Variants in OR51B5 observed in about 807,000 individuals in gnomAD.
OR51B5 encodes the protein olfactory receptor family 51 subfamily B member 5.
For synonymous variants in OR51B5, 186 were observed against 144.8 expected (o/e 1.28, Z -2.04); for missense variants, 456 against 374.6 (o/e 1.22, Z -1.79).
chr11:5,426,687 T>C (rs1037071877), intron 1 of OR51B5, among the ~76,000 whole-genome samples: 2 of 152,084 alleles, frequency 1.3e-5, no homozygotes, highest in African/African-American at 4.8e-5. Context: ...GTGCTTTAAA[T>C]TAAACAAAAC....
intron 1 of OR51B5, among the ~76,000 whole-genome samples, chr11:5,377,639 A>G (rs1298403200): frequency 1.3e-5 from 2 of 152,164 alleles, no homozygotes; most frequent in African/African-American, 2.4e-5. Context: ...CAATGTGCAA[A>G]AATCACAAGC....
Position 5,374,677 on chromosome 11 carries a change from G to A in OR51B5, n.85-27767C>T, listed in dbSNP as rs548662362. 4.8e-4 allele frequency among the ~76,000 whole-genome samples: 73 copies of A among 152,316 alleles called. 1 individual carries two copies. In the South Asian group the frequency reaches 6.2e-3, roughly 13 times the overall value. On this transcript the variant is annotated intron_variant and non_coding_transcript_variant, in intron 1 of 4. Coordinates refer to the OR51B5 transcript ENST00000415970. ...CTGAAAGCCAAGGCTCGAGAATGAC[G>A]TGAAGAATGGAGAAGCCTCAGGAGC...
At chr11:5,371,647 G>C (rs562900384) in intron 1 of OR51B5, among the ~76,000 whole-genome samples, 2 of 152,200 alleles carry the variant, frequency 1.3e-5, no homozygotes, top group East Asian at 3.9e-4. Context: ...AAACAAGTAA[G>C]CTTGTTCAAA....
intron 1 of OR51B5, among the ~76,000 whole-genome samples, chr11:5,412,705 C>T (rs10838061): frequency 6.6e-6 from 1 of 152,038 alleles, no homozygotes; most frequent in African/African-American, 2.4e-5. Context: ...CAGCAGTCTG[C>T]GATCAAACTG....
intron 1 of OR51B5, chr11:5,431,164 C>G: frequency 2.7e-6 from 1 of 377,136 alleles, no homozygotes; most frequent in Non-Finnish European, 5.3e-6. Context: ...AATGCCCAGA[C>G]CCATGCAGAT....
At chr11:5,390,113 G>T (rs369890764) in intron 1 of OR51B5, 39 of 1,613,642 alleles carry the variant, frequency 2.4e-5, no homozygotes, top group Non-Finnish European at 4.2e-6. Context: ...CACAGTAGCA[G>T]GCCTGGCCTC....
At chr11:5,375,457 C>T (rs1012539799) in intron 1 of OR51B5, among the ~76,000 whole-genome samples, 20 of 151,606 alleles carry the variant, frequency 1.3e-4, no homozygotes, top group Non-Finnish European at 2.5e-4. Flanking sequence ...ATCATAATGA[C>T]AGGATCAAAT....
chr11:5,488,955 G>A, intron 1 of OR51B5: 1 of 1,614,082 alleles, frequency 6.2e-7, no homozygotes, highest in Non-Finnish European at 8.5e-7. Context: ...CTGTGCCCAA[G>A]ATGCTGGCCA....
chr11:5,347,816 A>C (rs1198151744), upstream of OR51B5, among the ~76,000 whole-genome samples: 1 of 152,072 alleles, frequency 6.6e-6, no homozygotes, highest in Admixed American at 6.6e-5. Context: ...GAGGGAGGGA[A>C]GAACAATAAT....
At position 5,453,489 on chromosome 11, in the gene OR51B5, A is replaced by C; in HGVS notation, n.84+52080T>G. 4 of 1,532,418 alleles carry C rather than the reference A, an allele frequency of 2.6e-6. No individual in the cohort carries two copies. The South Asian group carries it at 5.2e-5, about 20-fold the overall frequency. 94.9% of individuals were successfully genotyped at this position (1,532,418 alleles called of 1,614,324 possible). ...AAAAGTACCCTAAGTTTGTTTTGCTATGGGGTTGTTCAATGTCACTCACCC... is the reference window on the plus strand; with the variant it reads ...AAAAGTACCCTAAGTTTGTTTTGCTCTGGGGTTGTTCAATGTCACTCACCC... On this transcript the variant is annotated intron_variant and non_coding_transcript_variant, in intron 1 of 4. Coordinates refer to the OR51B5 transcript ENST00000415970.
chr11:5,358,536 G>T (rs575265453), intron 1 of OR51B5, among the ~76,000 whole-genome samples: 545 of 152,278 alleles, frequency 3.6e-3, no homozygotes, highest in Middle Eastern at 0.01. Flanking sequence ...AGGACCAGAT[G>T]GAGTCACAGC....
intron 1 of OR51B5, among the ~76,000 whole-genome samples, chr11:5,373,704 C>T (rs566447172): frequency 1.3e-4 from 20 of 152,188 alleles, no homozygotes; most frequent in East Asian, 3.9e-4. Context: ...GAGGGTCCTA[C>T]GCCCACGGAG....
chr11:5,477,938 G>A (rs1851340913), intron 1 of OR51B5, among the ~76,000 whole-genome samples: 1 of 151,788 alleles, frequency 6.6e-6, no homozygotes, highest in Admixed American at 6.6e-5. Context: ...CTGGGGAGGG[G>A]CGCCCGCCAT....
chr11:5,488,449 AAT>A (rs1347068874), intron 1 of OR51B5, among the ~76,000 whole-genome samples: 2 of 152,170 alleles, frequency 1.3e-5, no homozygotes, highest in Non-Finnish European at 2.9e-5. Context: ...TGAGAAGACT[AAT>A]AAATACTTAG....
chr11:5,366,208 GA>G (rs543188944), intron 1 of OR51B5, among the ~76,000 whole-genome samples: 18 of 152,282 alleles, frequency 1.2e-4, no homozygotes, highest in Admixed American at 3.3e-4. Flanking sequence ...AGGGAAACAG[GA>G]AGGAAAATCA....
chr11:5,385,889 TATATG>T (rs2133723770), intron 1 of OR51B5, among the ~76,000 whole-genome samples: 1 of 149,304 alleles, frequency 6.7e-6, no homozygotes. Flanking sequence ...TCTATACACT[TATATG>T]TTATTTAAAC....
chr11:5,399,488 T>C (rs1428411155), intron 1 of OR51B5, among the ~76,000 whole-genome samples: 1 of 152,170 alleles, frequency 6.6e-6, no homozygotes, highest in Non-Finnish European at 1.5e-5. Context: ...AAAGGTAAAG[T>C]ACGTAAAGTT....
At chr11:5,348,242 C>A (rs1465456171), upstream of OR51B5, among the ~76,000 whole-genome samples, 1 of 151,950 alleles carries the variant, frequency 6.6e-6, no homozygotes, top group African/African-American at 2.4e-5. Context: ...ATAAGGCAAA[C>A]AATTCTACGA....
upstream of OR51B5, among the ~76,000 whole-genome samples, chr11:5,344,381 C>T (rs1250763018): frequency 6.6e-6 from 1 of 152,112 alleles, no homozygotes; most frequent in Non-Finnish European, 1.5e-5. Context: ...AAGTAATTCC[C>T]TAGAATCTGA....
Sources: allele counts gnomAD v4.1 joint callset (sites outside exome capture counted in the v4.1 genomes callset), GRCh38; gene constraint gnomAD v4.1.1; transcripts MANE v1.5; gene names NCBI Gene and HGNC (gene_info 2026-07-23, HGNC 2026-07-21).